The following TCF4 variants were observed in gnomAD, a reference collection of about 807,000 sequenced individuals.
The protein encoded by TCF4 is transcription factor 4.
A neutral mutation model predicts 82.1 loss-of-function variants in TCF4; 3 were observed. The observed-to-expected ratio is 0.04, with a 90% CI of 0.02 to 0.09. The LOEUF (loss-of-function observed/expected upper bound fraction) is 0.09, where lower values mean the gene tolerates loss of function less well. TCF4 is among the 10% of genes least tolerant of loss of function. TCF4 has a pLI of 1.00. For synonymous variants in TCF4, 276 were observed against 309.6 expected, an observed-to-expected ratio of 0.89 and a Z score of 1.14; for missense variants, 518 against 852.7, an observed-to-expected ratio of 0.61 and a Z score of 4.89.
chr18:55,341,784 T>C (rs1255333888), intron 8 of TCF4, among the ~76,000 whole-genome samples: 1 of 152,186 alleles, frequency 6.6e-6, no homozygotes, highest in Non-Finnish European at 1.5e-5. Context: ...GGCAATCAGC[T>C]TAAGGGACAA....
chr18:55,457,454 A>C (rs1192425500), intron 5 of TCF4, among the ~76,000 whole-genome samples: 2 of 152,226 alleles, frequency 1.3e-5, no homozygotes, highest in African/African-American at 4.8e-5. Flanking sequence ...CACACACACA[A>C]GATTATTTCT....
intron 8 of TCF4, among the ~76,000 whole-genome samples, chr18:55,310,395 T>C (rs191142110): frequency 2.6e-5 from 4 of 152,108 alleles, no homozygotes; most frequent in African/African-American, 4.8e-5. Flanking sequence ...GGGGAGGAAA[T>C]TGAAGAGTGG....
At chr18:55,235,996 ATATT>A (rs967257244) in intron 15 of TCF4, among the ~76,000 whole-genome samples, 35 of 152,230 alleles carry the variant, frequency 2.3e-4, no homozygotes, top group African/African-American at 7.2e-4. Context: ...ATCACCTATA[ATATT>A]TTGCTTTTTA....
At chr18:55,435,918 T>C (rs1012402298) in intron 5 of TCF4, among the ~76,000 whole-genome samples, 12 of 152,342 alleles carry the variant, frequency 7.9e-5, no homozygotes, top group Admixed American at 3.3e-4. Context: ...TCCAAGTATG[T>C]GGTGATAAAG....
At chr18:55,487,162 C>T (rs1256512202) in intron 3 of TCF4, among the ~76,000 whole-genome samples, 1 of 152,182 alleles carries the variant, frequency 6.6e-6, no homozygotes, top group African/African-American at 2.4e-5. Context: ...ACACCAGACT[C>T]CTCACCGTTA....
chr18:55,620,339 C>T (rs1642313), intron 2 of TCF4, among the ~76,000 whole-genome samples: 80,781 of 151,914 alleles, frequency 0.53, 22,754 homozygotes, highest in African/African-American at 0.72. Flanking sequence ...CTAATATTTC[C>T]GACTAACAAT....
At chr18:55,249,674 C>T (rs141348267) in intron 15 of TCF4, among the ~76,000 whole-genome samples, 2 of 152,228 alleles carry the variant, frequency 1.3e-5, no homozygotes, top group African/African-American at 4.8e-5. Context: ...TTGGTAACCA[C>T]GGATAAATGT....
intron 2 of TCF4, among the ~76,000 whole-genome samples, chr18:55,613,973 C>T (rs1190293940): frequency 6.6e-6 from 1 of 152,174 alleles, no homozygotes; most frequent in Non-Finnish European, 1.5e-5. Context: ...GGCTGGACAG[C>T]AGTGTCATGA....
rs145888186 is a variant in TCF4, at chr18:55,289,653, T to G, written c.550-9997A>C. On this transcript the variant is annotated intron_variant, in intron 8 of 19. Transcript: ENST00000354452. ...TGGAACATCAAAATAGGTTTGGTTA[T>G]ATCTGCCAAAAAATAGCTTTGTGAC... 3.2e-4 allele frequency among the ~76,000 whole-genome samples: 49 copies of G among 152,312 alleles called. 1 individual carries two copies. Among genetic ancestry groups the G allele is most frequent in the African/African-American group, 1.2e-3 (48 of 41,576 alleles).
intron 8 of TCF4, among the ~76,000 whole-genome samples, chr18:55,302,788 G>C (rs541897020): frequency 6.6e-6 from 1 of 152,158 alleles, no homozygotes; most frequent in Non-Finnish European, 1.5e-5. Context: ...TCTGGAGCCC[G>C]TTTAGCAGCT....
intron 5 of TCF4, 112 bp downstream of exon 5, chr18:55,460,907 G>A (rs1454159864): frequency 2.2e-6 from 2 of 889,238 alleles, no homozygotes; most frequent in Admixed American, 2.0e-5. Flanking sequence ...CAAGTGAACT[G>A]ACTAAATATC....
intron 8 of TCF4, among the ~76,000 whole-genome samples, chr18:55,346,329 G>A (rs756224535): frequency 2.5e-4 from 38 of 151,994 alleles, no homozygotes; most frequent in African/African-American, 7.5e-4. Flanking sequence ...TTCTTGAAGC[G>A]TCCAAACCTT....
At chr18:55,281,590 T>C (rs539779490) in intron 8 of TCF4, among the ~76,000 whole-genome samples, 3 of 152,230 alleles carry the variant, frequency 2.0e-5, no homozygotes, top group South Asian at 4.1e-4. Flanking sequence ...TTTAAAACAA[T>C]TAAAATCAAT....
At chr18:55,268,941 G>T (rs563278819) in intron 11 of TCF4, 1 of 152,232 alleles carries the variant, frequency 6.6e-6, no homozygotes, top group South Asian at 2.1e-4. Flanking sequence ...GTTTTAATAA[G>T]ACCCTGGGGC....
intron 5 of TCF4, among the ~76,000 whole-genome samples, chr18:55,421,366 A>C (rs2094747307): frequency 6.6e-6 from 1 of 152,244 alleles, no homozygotes; most frequent in African/African-American, 2.4e-5. Flanking sequence ...ATTTATTTTA[A>C]AATTTTCGTG....
intron 2 of TCF4, among the ~76,000 whole-genome samples, chr18:55,617,614 C>G (rs2097713364): frequency 6.6e-6 from 1 of 152,022 alleles, no homozygotes; most frequent in African/African-American, 2.4e-5. Context: ...CTCTCATCAA[C>G]ATTGTGTAGT....
chr18:55,526,383 C>A (rs564523187), intron 3 of TCF4, among the ~76,000 whole-genome samples: 1 of 152,080 alleles, frequency 6.6e-6, no homozygotes, highest in Non-Finnish European at 1.5e-5. Context: ...TTTAATTGAA[C>A]CTTTGTTCAT....
chr18:55,339,751 A>G (rs1003681680), intron 8 of TCF4, among the ~76,000 whole-genome samples: 5 of 152,202 alleles, frequency 3.3e-5, no homozygotes, highest in African/African-American at 7.2e-5. Context: ...GCCTTTATAT[A>G]TAAAAAAAAG....
chr18:55,422,525 A>AAC (rs2094810925), intron 5 of TCF4: 2 of 908,238 alleles, frequency 2.2e-6, no homozygotes, highest in Non-Finnish European at 2.6e-6. Context: ...TTCTTAGGCT[A>AAC]ACACTCATCA....
Sources: gnomAD v4.1 joint callset for allele counts (sites outside exome capture counted in the v4.1 genomes callset) on GRCh38, gnomAD v4.1.1 for gene constraint, MANE v1.5 for transcripts, NCBI Gene and HGNC (gene_info 2026-07-23, HGNC 2026-07-21) for gene names.